RTN4: variants seen among roughly 807,000 people sequenced by gnomAD.
RTN4 encodes the protein reticulon-4.
In RTN4, 32 loss-of-function variants were observed where a neutral mutation model predicts 90.4. The ratio of observed to expected loss-of-function variants is 0.35; its 90% CI spans 0.27 to 0.48. RTN4 has a LOEUF of 0.48. RTN4 is among the 20% of genes least tolerant of loss of function. RTN4 has a pLI of 0.99. For synonymous variants in RTN4, 629 were observed against 552.5 expected (o/e 1.14, Z -1.94); for missense variants, 1,706 against 1,430.2 (o/e 1.19, Z -3.11).
intron 1 of RTN4, among the ~76,000 whole-genome samples, chr2:55,087,390 T>G (rs1668860771): frequency 6.6e-6 from 1 of 152,258 alleles, no homozygotes; most frequent in African/African-American, 2.4e-5. Flanking sequence ...TTGTTTTTAA[T>G]GTTATACTTT....
intron 3 of RTN4, among the ~76,000 whole-genome samples, chr2:55,015,121 T>C (rs1381714590): frequency 6.6e-6 from 1 of 152,200 alleles, no homozygotes; most frequent in East Asian, 1.9e-4. Flanking sequence ...TTCCACAGAC[T>C]TGATCTTCCA....
chr2:55,076,459 G>A (rs1466366649), intron 2 of RTN4, among the ~76,000 whole-genome samples: 1 of 127,476 alleles, frequency 7.8e-6, no homozygotes, highest in East Asian at 2.5e-4. Context: ...GAGTGCAATG[G>A]CACAATCTTG....
upstream of RTN4, among the ~76,000 whole-genome samples, chr2:55,113,782 G>T (rs1349063962): frequency 6.6e-6 from 1 of 152,170 alleles, no homozygotes; most frequent in African/African-American, 2.4e-5. Context: ...TGGAGACCAT[G>T]ACTGACTGAC....
chr2:55,011,944 A>G (rs150332989), intron 3 of RTN4, among the ~76,000 whole-genome samples: 323 of 152,324 alleles, frequency 2.1e-3, no homozygotes, highest in African/African-American at 7.3e-3. Context: ...TCAGCAAGCC[A>G]TATCATGGCC....
intron 2 of RTN4, among the ~76,000 whole-genome samples, chr2:55,076,589 G>A (rs1037162384): frequency 6.6e-6 from 1 of 151,826 alleles, no homozygotes; most frequent in Admixed American, 6.6e-5. Flanking sequence ...TAGTACAGAC[G>A]CGGTTTCACC....
chr2:55,120,329 G>C, the RTN4 span, among the ~76,000 whole-genome samples: 1 of 152,130 alleles, frequency 6.6e-6, no homozygotes, highest in Non-Finnish European at 1.5e-5. Context: ...AGCTCACCAG[G>C]GTGGGCACAG....
In RTN4 at chr2:54,973,043, G is replaced by A. The variant is rs929511768; in HGVS notation, c.*113C>T. On this transcript the variant is annotated 3_prime_UTR_variant, in exon 9 of 9. Transcript: ENST00000337526. ...TGGCTAAAAATAAAGATCTAACAAC[G>A]ATCTGTGAAACTGCACTGCAACGTC... The A allele has an allele frequency of 3.5e-5, 28 of 800,888 alleles. No individual in the cohort carries two copies. The highest frequency in any genetic ancestry group is 6.9e-5 in the African/African-American group (4 of 58,266). 49.6% of individuals were successfully genotyped at this position (800,888 alleles called of 1,614,324 possible). A position where few individuals can be genotyped will look rare whatever the true frequency, so the allele number is the denominator to read the frequency against.
the RTN4 span, among the ~76,000 whole-genome samples, chr2:55,127,497 A>G: frequency 6.6e-6 from 1 of 152,172 alleles, no homozygotes; most frequent in Non-Finnish European, 1.5e-5. Context: ...CTCTTTGAGG[A>G]CAGAGACCAT....
intron 5 of RTN4, among the ~76,000 whole-genome samples, chr2:54,979,180 G>A (rs1433334547): frequency 6.6e-6 from 1 of 151,218 alleles, no homozygotes; most frequent in Non-Finnish European, 1.5e-5. Context: ...AGCCTCCCAA[G>A]TAGCTGGGAC....
At chr2:55,064,204 T>TTA (rs1553449299) in intron 2 of RTN4, among the ~76,000 whole-genome samples, 2 of 139,584 alleles carry the variant, frequency 1.4e-5, no homozygotes, top group Admixed American at 1.4e-4. Context: ...GACCATGTCT[T>TTA]AAAAAAAAAA....
chr2:55,027,074 T>A lies in RTN4; in HGVS notation c.1025A>T (p.Asn342Ile). ...EKLVSNNILH[N>I]QQELPTALTK... ...AAGAGCTGTAGGTAACTCTTGTTGA[T>A]TATGAAGGATGTTATTACTAACTAA... Residue 342 changes from asparagine (N) to isoleucine (I), a missense_variant, in exon 3 of 9, where the codon AAT becomes ATT. By Grantham distance (149) the Asn-to-Ile change is moderately radical. Coordinates refer to ENST00000337526, the MANE Select transcript of RTN4 (RefSeq NM_020532.5). 1 of 1,613,348 alleles carries A rather than the reference T, an allele frequency of 6.2e-7. No homozygotes were observed. The highest frequency in any genetic ancestry group is 8.5e-7 in the Non-Finnish European group (1 of 1,179,672).
intron 1 of RTN4, among the ~76,000 whole-genome samples, chr2:55,048,067 G>A (rs569403550): frequency 2.0e-5 from 3 of 152,286 alleles, no homozygotes; most frequent in Non-Finnish European, 4.4e-5. Flanking sequence ...ATAATCAATT[G>A]CTCCTAGGCT....
Position 55,029,687 on chromosome 2 carries a change from G to A in RTN4, c.557-1467C>T, listed in dbSNP as rs1036016255. Among the ~76,000 whole-genome samples, 15 of 152,142 alleles carry A rather than the reference G, an allele frequency of 9.9e-5. 2 individuals are homozygous for A. The highest frequency in any genetic ancestry group is 7.9e-4 in the Admixed American group (12 of 15,270). Reference sequence around the variant, plus strand: ...ATATATTTTAGATAAATATATACTGGGCATGAAGTCATACTTAAAGGATTC... The same window carrying A: ...ATATATTTTAGATAAATATATACTGAGCATGAAGTCATACTTAAAGGATTC... On this transcript the variant is annotated intron_variant, in intron 1 of 8. Coordinates refer to ENST00000337526, the MANE Select transcript of RTN4 (RefSeq NM_020532.5).
upstream of RTN4, among the ~76,000 whole-genome samples, chr2:55,055,575 G>A (rs140707262): frequency 7.9e-5 from 12 of 152,180 alleles, no homozygotes; most frequent in East Asian, 2.3e-3. Context: ...GGATGATCCT[G>A]GCTAACATGG....
intron 3 of RTN4, among the ~76,000 whole-genome samples, chr2:55,014,920 G>T (rs1680921328): frequency 6.6e-6 from 1 of 151,952 alleles, no homozygotes; most frequent in Non-Finnish European, 1.5e-5. Flanking sequence ...AGGTTTGGGG[G>T]GAATCTTTAA....
intron 2 of RTN4, among the ~76,000 whole-genome samples, chr2:55,061,782 C>T (rs1668297891): frequency 1.3e-5 from 2 of 152,046 alleles, no homozygotes; most frequent in Non-Finnish European, 1.5e-5. Context: ...AAGGTGGGTC[C>T]CTGGCGAGGG....
At chr2:54,974,014 T>C in intron 6 of RTN4, 147 bp from the exon 7 acceptor site, 1 of 653,314 alleles carries the variant, frequency 1.5e-6, no homozygotes. Context: ...TGGATGCATC[T>C]GCTGTTGAGG....
upstream of RTN4, among the ~76,000 whole-genome samples, chr2:55,117,292 G>A (rs1668142655): frequency 6.6e-6 from 1 of 152,216 alleles, no homozygotes; most frequent in Non-Finnish European, 1.5e-5. Context: ...GTCACACACT[G>A]GTTGAATATT....
chr2:55,085,586 A>AATCT (rs1209911898), intron 1 of RTN4, among the ~76,000 whole-genome samples: 4 of 152,210 alleles, frequency 2.6e-5, no homozygotes, highest in African/African-American at 7.2e-5. Context: ...TTTAGATGCT[A>AATCT]ATCTCATCTT....
Sources: gnomAD v4.1 joint callset for allele counts (sites outside exome capture counted in the v4.1 genomes callset) on GRCh38, gnomAD v4.1.1 for gene constraint, MANE v1.5 for transcripts, NCBI Gene and HGNC (gene_info 2026-07-23, HGNC 2026-07-21) for gene names.